Variants in PLEKHA2 observed in about 807,000 individuals in gnomAD.
PLEKHA2 encodes pleckstrin homology domain-containing family A member 2.
In PLEKHA2, 28 loss-of-function variants were observed where a neutral mutation model predicts 53.2. That is an observed-to-expected ratio of 0.53 (90% CI 0.39 to 0.72). PLEKHA2 has a LOEUF of 0.72. Among genes scored for constraint, PLEKHA2 ranks in the 30% least tolerant of loss-of-function variants. PLEKHA2 has a pLI of 0.00. For missense variants in PLEKHA2, 426 were observed against 537.9 expected (o/e 0.79, Z 2.06); for synonymous variants, 193 against 196.4 (o/e 0.98, Z 0.14).
At chr8:38,935,717 C>G (rs550176734) in intron 2 of PLEKHA2, among the ~76,000 whole-genome samples, 1 of 152,304 alleles carries the variant, frequency 6.6e-6, no homozygotes, top group East Asian at 1.9e-4. Flanking sequence ...GTATGCCCAG[C>G]CTGAGCACAC....
At chr8:38,951,053 T>C in intron 6 of PLEKHA2, 63 bp downstream of exon 6, 1 of 1,360,028 alleles carries the variant, frequency 7.4e-7, no homozygotes. Context: ...GGTGTGCCCA[T>C]GATGTGCTCG....
rs759701001 is a variant in PLEKHA2, at chr8:38,969,616, G to A, written c.1111G>A (p.Gly371Arg). The change falls in exon 12 of 12, where the codon GGA becomes AGA. Residue 371 changes from glycine to arginine, a missense_variant. Gly to Arg is a moderately radical substitution (Grantham distance 125, BLOSUM62 -2). Coordinates refer to ENST00000617275, the MANE Select transcript of PLEKHA2 (RefSeq NM_021623.2). ...PQAGEKLLPP[G>R]DTSEDSLFTP... ...GGCTGGGGAGAAGCTGCTTCCACCT[G>A]GAGACACTTCAGAGGACTCCTTGTT... 1.9e-6 allele frequency: 3 copies of A among 1,606,300 alleles called. No homozygotes were observed. The highest frequency in any genetic ancestry group is 2.2e-5 in the South Asian group (2 of 89,720).
intron 9 of PLEKHA2, 38 bp downstream of exon 9, chr8:38,953,405 C>A (rs745994131): frequency 3.3e-6 from 5 of 1,532,832 alleles, no homozygotes; most frequent in Non-Finnish European, 4.5e-6. Flanking sequence ...ATCCAAACCT[C>A]CATTTGTCCT....
intron 2 of PLEKHA2, among the ~76,000 whole-genome samples, chr8:38,920,236 T>C (rs542557882): frequency 3.2e-4 from 49 of 151,868 alleles, no homozygotes; most frequent in Admixed American, 1.8e-3. Flanking sequence ...CTGCAAGCTC[T>C]GCCTCCCGGG....
intron 4 of PLEKHA2, 93 bp downstream of exon 4, chr8:38,943,930 A>G (rs1352877519): frequency 2.9e-6 from 3 of 1,036,726 alleles, no homozygotes; most frequent in African/African-American, 3.3e-5. Context: ...ATGTGACTAT[A>G]CCCTGTGAGT....
intron 2 of PLEKHA2, among the ~76,000 whole-genome samples, chr8:38,925,842 G>A (rs1359442123): frequency 6.6e-6 from 1 of 152,202 alleles, no homozygotes; most frequent in African/African-American, 2.4e-5. Context: ...TTAAAAAAAC[G>A]TGAAATTTTC....
At chr8:38,939,582 C>G (rs1462072924) in intron 3 of PLEKHA2, among the ~76,000 whole-genome samples, 1 of 152,186 alleles carries the variant, frequency 6.6e-6, no homozygotes, top group African/African-American at 2.4e-5. Context: ...GCTCCAGTTC[C>G]CATAATAAGC....
At chr8:38,933,749 C>T (rs1834436035) in intron 2 of PLEKHA2, among the ~76,000 whole-genome samples, 1 of 117,090 alleles carries the variant, frequency 8.5e-6, no homozygotes, top group Non-Finnish European at 1.8e-5. Flanking sequence ...GCTATAAGGC[C>T]TGTCTCTTCC....
At chr8:38,957,567 C>T (rs1357010034) in intron 10 of PLEKHA2, among the ~76,000 whole-genome samples, 181 bp downstream of exon 10, 1 of 152,178 alleles carries the variant, frequency 6.6e-6, no homozygotes, top group Non-Finnish European at 1.5e-5. Flanking sequence ...CCAAAAGCTT[C>T]CCAACCATAA....
intron 2 of PLEKHA2, among the ~76,000 whole-genome samples, chr8:38,928,079 G>A (rs1473539871): frequency 1.3e-5 from 2 of 151,970 alleles, no homozygotes; most frequent in Non-Finnish European, 2.9e-5. Context: ...AGAAAGTGGA[G>A]GGGAAATGAC....
At chr8:38,968,729 G>C (rs1013258538) in intron 11 of PLEKHA2, 60 bp downstream of exon 11, 2 of 1,579,148 alleles carry the variant, frequency 1.3e-6, no homozygotes, top group Non-Finnish European at 1.7e-6. Context: ...TCTCAAGCAG[G>C]CATGTTTTAT....
At chr8:38,932,235 A>T (rs1834407067) in intron 2 of PLEKHA2, among the ~76,000 whole-genome samples, 1 of 152,112 alleles carries the variant, frequency 6.6e-6, no homozygotes, top group African/African-American at 2.4e-5. Context: ...GCCTCAAGCG[A>T]TCCTCCCACC....
intron 2 of PLEKHA2, among the ~76,000 whole-genome samples, chr8:38,930,786 C>G (rs988585952): frequency 6.6e-6 from 1 of 152,214 alleles, no homozygotes; most frequent in Non-Finnish European, 1.5e-5. Context: ...GGGCTGCTGG[C>G]TGGCGTAGCC....
intron 1 of PLEKHA2, among the ~76,000 whole-genome samples, chr8:38,909,136 C>G (rs1833920203): frequency 7.0e-6 from 1 of 141,914 alleles, no homozygotes; most frequent in South Asian, 2.3e-4. Flanking sequence ...GAGCGAGACT[C>G]TGTCTCAAAA....
chr8:38,926,142 G>T (rs1401032353), intron 2 of PLEKHA2, among the ~76,000 whole-genome samples: 1 of 152,168 alleles, frequency 6.6e-6, no homozygotes, highest in African/African-American at 2.4e-5. Flanking sequence ...TCAGCAAATT[G>T]TTTGGGCAAA....
chr8:38,965,085 C>G (rs1002543458), intron 10 of PLEKHA2, among the ~76,000 whole-genome samples: 4 of 151,756 alleles, frequency 2.6e-5, no homozygotes, highest in Admixed American at 1.3e-4. Context: ...TTATTACTTG[C>G]AAAAAGGAAA....
In PLEKHA2 at chr8:38,928,743, G is replaced by A. The variant is rs146040777; in HGVS notation, c.142-7251G>A. ...ACGCAGCAGAGGATGATATAGAATC[G>A]ACTTCTCCTGAAGGGAAAGATTAAA... is the stretch of plus-strand genomic sequence containing the variant. On this transcript the variant is annotated intron_variant, in intron 2 of 11. Transcript: ENST00000617275. Among the ~76,000 whole-genome samples, 125 of 152,298 alleles carry A rather than the reference G, an allele frequency of 8.2e-4. 1 individual carries two copies. Among genetic ancestry groups the A allele is most frequent in the African/African-American group, 2.5e-3 (106 of 41,572 alleles).
chr8:38,924,943 GTAT>G (rs1834257978), intron 2 of PLEKHA2, among the ~76,000 whole-genome samples: 1 of 152,190 alleles, frequency 6.6e-6, no homozygotes, highest in African/African-American at 2.4e-5. Flanking sequence ...GAAAGTCTCA[GTAT>G]TATTGATTAT....
chr8:38,935,917 A>G, intron 2 of PLEKHA2, 77 bp from the exon 3 acceptor site: 1 of 1,412,652 alleles, frequency 7.1e-7, no homozygotes, highest in Middle Eastern at 1.8e-4. Context: ...TGGCATAAAC[A>G]GAGCTAGAAT....
Sources: allele counts gnomAD v4.1 joint callset (sites outside exome capture counted in the v4.1 genomes callset), GRCh38; gene constraint gnomAD v4.1.1; transcripts MANE v1.5; gene names NCBI Gene and HGNC (gene_info 2026-07-23, HGNC 2026-07-21).